The following DOCK2 variants were observed in gnomAD, a reference collection of about 807,000 sequenced individuals.
DOCK2 encodes the protein dedicator of cytokinesis protein 2.
In DOCK2, 87 loss-of-function variants were observed where a neutral mutation model predicts 248.9. That is an observed-to-expected ratio of 0.35 (90% confidence interval 0.29 to 0.42). The LOEUF is 0.42. Ranked by LOEUF, DOCK2 falls within the 10% of genes least tolerant of loss-of-function variation. The pLI, the probability that DOCK2 is intolerant of heterozygous loss-of-function variation, is 1.00. For missense variants in DOCK2, 1,747 were observed against 2,300.2 expected (o/e 0.76, Z 4.92); for synonymous variants, 805 against 821.6 (o/e 0.98, Z 0.35).
chr5:169,803,861 AGAGGTAGTGATTAGACCCAGGCCTG>A (rs1403609802), intron 26 of DOCK2, among the ~76,000 whole-genome samples: 1 of 152,140 alleles, frequency 6.6e-6, no homozygotes, highest in Non-Finnish European at 1.5e-5. Flanking sequence ...GTGAAGACTG[AGAGGTAGTGATTAGACCCAGGCCTG>A]GAATTCTTAA....
intron 27 of DOCK2, among the ~76,000 whole-genome samples, chr5:169,876,972 A>G (rs1772370280): frequency 6.6e-6 from 1 of 152,236 alleles, no homozygotes; most frequent in African/African-American, 2.4e-5. Flanking sequence ...AAAGAAACTT[A>G]TAAACACCAT....
chr5:169,771,877 A>G (rs1182881968), intron 25 of DOCK2, among the ~76,000 whole-genome samples: 2 of 152,226 alleles, frequency 1.3e-5, no homozygotes, highest in Non-Finnish European at 2.9e-5. Flanking sequence ...GTTTTGATAC[A>G]TAAATCCTTT....
At chr5:169,922,990 C>G (rs949488017) in intron 27 of DOCK2, among the ~76,000 whole-genome samples, 1 of 152,176 alleles carries the variant, frequency 6.6e-6, no homozygotes, top group Admixed American at 6.5e-5. Flanking sequence ...TTTCTCTTAT[C>G]GGTCCCACAG....
chr5:170,045,664 C>G (rs1267908479), intron 38 of DOCK2, 152 bp from the exon 39 acceptor site: 1 of 706,158 alleles, frequency 1.4e-6, no homozygotes, highest in East Asian at 2.6e-5. Flanking sequence ...CTCTAGGAAG[C>G]CCCCGGCCCC....
intron 26 of DOCK2, among the ~76,000 whole-genome samples, chr5:169,805,785 G>T (rs902842376): frequency 3.9e-5 from 6 of 152,186 alleles, no homozygotes; most frequent in Non-Finnish European, 8.8e-5. Context: ...AGAAGTGAGT[G>T]GGAGGCTCTG....
chr5:169,930,706 G>T (rs1222631008), intron 27 of DOCK2, among the ~76,000 whole-genome samples: 1 of 152,220 alleles, frequency 6.6e-6, no homozygotes, highest in Non-Finnish European at 1.5e-5. Context: ...AAGAAGGGTT[G>T]CTTCTCTCAC....
At chr5:170,011,171 G>C (rs1172633164) in intron 32 of DOCK2, among the ~76,000 whole-genome samples, 1 of 152,184 alleles carries the variant, frequency 6.6e-6, no homozygotes, top group African/African-American at 2.4e-5. Flanking sequence ...TGAGGTGGGA[G>C]ACCCAGAGCC....
intron 26 of DOCK2, among the ~76,000 whole-genome samples, chr5:169,827,317 C>T (rs1420269966): frequency 1.3e-5 from 2 of 152,146 alleles, no homozygotes; most frequent in Non-Finnish European, 2.9e-5. Flanking sequence ...GTTTAGGCAG[C>T]TTCTCAAGGA....
chr5:170,071,769 T>TA (rs1022901274), intron 46 of DOCK2, among the ~76,000 whole-genome samples: 7 of 151,954 alleles, frequency 4.6e-5, no homozygotes, highest in African/African-American at 1.7e-4. Context: ...TTCCTTGCTT[T>TA]AAAAAAAATA....
At chr5:169,829,392 G>A (rs1021196575) in intron 26 of DOCK2, among the ~76,000 whole-genome samples, 4 of 152,124 alleles carry the variant, frequency 2.6e-5, no homozygotes, top group Non-Finnish European at 5.9e-5. Context: ...GAATCTTGGC[G>A]TTTTCATTAG....
chr5:170,035,978 G>C (rs1237970016), intron 35 of DOCK2, among the ~76,000 whole-genome samples: 1 of 152,120 alleles, frequency 6.6e-6, no homozygotes, highest in Non-Finnish European at 1.5e-5. Flanking sequence ...CCCCTGAGCT[G>C]GAATAGGGAC....
At chr5:169,746,042 A>C (rs1037403061) in intron 22 of DOCK2, among the ~76,000 whole-genome samples, 1 of 152,332 alleles carries the variant, frequency 6.6e-6, no homozygotes, top group South Asian at 2.1e-4. Flanking sequence ...CTGAGTCCCC[A>C]TAACCAACGG....
intron 27 of DOCK2, among the ~76,000 whole-genome samples, chr5:169,961,927 C>A (rs894040693): frequency 3.6e-5 from 5 of 137,346 alleles, no homozygotes; most frequent in Non-Finnish European, 7.6e-5. Context: ...TGCAGTGAGC[C>A]GAGATCGTGC....
chr5:169,936,666 A>G (rs866856860), intron 27 of DOCK2, among the ~76,000 whole-genome samples: 48 of 148,164 alleles, frequency 3.2e-4, no homozygotes, highest in African/African-American at 1.2e-3. Context: ...TACAGAATCT[A>G]GCATTCCCCA....
chr5:169,714,499 C>T (rs1761792209), intron 19 of DOCK2, 42 bp downstream of exon 19: 1 of 1,603,104 alleles, frequency 6.2e-7, no homozygotes, highest in Admixed American at 1.7e-5. Flanking sequence ...ACACTAGTGA[C>T]AGAACTCTCC....
intron 27 of DOCK2, among the ~76,000 whole-genome samples, chr5:169,906,188 G>T (rs1774265817): frequency 6.6e-6 from 1 of 152,136 alleles, no homozygotes; most frequent in African/African-American, 2.4e-5. Flanking sequence ...ATTGTGCCCG[G>T]GGCCGTGGAT....
intron 17 of DOCK2, among the ~76,000 whole-genome samples, chr5:169,713,598 A>G (rs1761706736): frequency 6.6e-6 from 1 of 152,170 alleles, no homozygotes; most frequent in East Asian, 1.9e-4. Flanking sequence ...TCAAGATAGC[A>G]TAGACCTGTG....
intron 27 of DOCK2, among the ~76,000 whole-genome samples, chr5:169,906,271 T>G (rs1774272206): frequency 6.6e-6 from 1 of 152,074 alleles, no homozygotes; most frequent in Non-Finnish European, 1.5e-5. Flanking sequence ...TCCTCATATG[T>G]AAAATGAGTA....
chr5:169,707,230 T>C (rs1248886099), intron 14 of DOCK2, among the ~76,000 whole-genome samples: 1 of 152,194 alleles, frequency 6.6e-6, no homozygotes, highest in Middle Eastern at 3.2e-3. Context: ...AGGTCATTCC[T>C]TGTGAGTCAG....
Sources: allele counts gnomAD v4.1 joint callset (sites outside exome capture counted in the v4.1 genomes callset), GRCh38; gene constraint gnomAD v4.1.1; transcripts MANE v1.5; gene names NCBI Gene and HGNC (gene_info 2026-07-23, HGNC 2026-07-21).